TTLL5: variants seen among roughly 807,000 people sequenced by gnomAD.
The protein encoded by TTLL5 is tubulin polyglutamylase TTLL5.
In TTLL5, 132 loss-of-function variants were observed where a neutral mutation model predicts 168.4. The ratio of observed to expected loss-of-function variants is 0.78; its 90% CI spans 0.68 to 0.91. TTLL5 has a LOEUF of 0.91. Ranked by LOEUF, TTLL5 falls within the 40% of genes least tolerant of loss-of-function variation. The probability of loss-of-function intolerance (pLI) is 0.00; values close to 1 mark genes in which losing one functional copy is unlikely to be tolerated. For synonymous variants in TTLL5, 546 were observed against 558.6 expected (o/e 0.98, Z 0.32); for missense variants, 1,545 against 1,581.5 (o/e 0.98, Z 0.39).
chr14:75,689,169 G>T, intron 5 of TTLL5, among the ~76,000 whole-genome samples: 1 of 152,188 alleles, frequency 6.6e-6, no homozygotes, highest in Non-Finnish European at 1.5e-5. Context: ...AAGTTCATGT[G>T]GGGAGGAACT....
intron 17 of TTLL5, among the ~76,000 whole-genome samples, chr14:75,752,228 C>T (rs1302697493): frequency 6.6e-6 from 1 of 152,192 alleles, no homozygotes; most frequent in African/African-American, 2.4e-5. Flanking sequence ...GAATGCAGCC[C>T]AGTAGGCCTC....
chr14:75,922,216 C>G (rs1054689476), intron 31 of TTLL5, among the ~76,000 whole-genome samples: 3 of 151,926 alleles, frequency 2.0e-5, no homozygotes, highest in East Asian at 1.9e-4. Context: ...AATTGAATAC[C>G]CTTTATTTCT....
chr14:75,749,449 TTGTAAC>T (rs1045942600), intron 17 of TTLL5, among the ~76,000 whole-genome samples: 1 of 152,140 alleles, frequency 6.6e-6, no homozygotes, highest in Non-Finnish European at 1.5e-5. Flanking sequence ...GGGGAATTGA[TTGTAAC>T]TGTCTACAAG....
chr14:75,693,515 T>A (rs1287312212), intron 6 of TTLL5, among the ~76,000 whole-genome samples: 1 of 152,230 alleles, frequency 6.6e-6, no homozygotes, highest in Non-Finnish European at 1.5e-5. Context: ...TCTCAGTAAT[T>A]TGAGTGTAGT....
chr14:75,713,432 T>C (rs185126665), intron 9 of TTLL5, among the ~76,000 whole-genome samples: 1 of 152,360 alleles, frequency 6.6e-6, no homozygotes, highest in East Asian at 1.9e-4. Context: ...AAATACGCTC[T>C]ATGATGTTCA....
intron 31 of TTLL5, among the ~76,000 whole-genome samples, chr14:75,913,654 T>C (rs567357742): frequency 6.6e-6 from 1 of 152,156 alleles, no homozygotes; most frequent in South Asian, 2.1e-4. Context: ...TGAGTAAATT[T>C]TCATATTTCT....
Position 75,917,800 on chromosome 14 carries a change from G to A in TTLL5, c.3823+15576G>A, listed in dbSNP as rs1288863611. ...CAGCAGAGGGTGGAGCTGAAGTGAG[G>A]AGGTAGGAGGTGGGGGAAAAGCCGA... On this transcript the variant is annotated intron_variant, in intron 31 of 31. Coordinates refer to ENST00000298832, the MANE Select transcript of TTLL5 (RefSeq NM_015072.5). 2.0e-5 allele frequency among the ~76,000 whole-genome samples: 3 copies of A among 152,208 alleles called. No individual in the cohort carries two copies. In the East Asian group the frequency reaches 5.8e-4, roughly 29 times the overall value.
chr14:75,685,671 AT>A (rs1357726718), intron 5 of TTLL5, among the ~76,000 whole-genome samples: 4 of 152,202 alleles, frequency 2.6e-5, no homozygotes, highest in Non-Finnish European at 5.9e-5. Flanking sequence ...CAAAATATGC[AT>A]TCTCAGGTCC....
At chr14:75,889,688 G>C (rs987301624) in intron 30 of TTLL5, among the ~76,000 whole-genome samples, 1 of 152,052 alleles carries the variant, frequency 6.6e-6, no homozygotes, top group South Asian at 2.1e-4. Flanking sequence ...AATTAGCCAG[G>C]CGTGGTGGCA....
At chr14:75,890,168 G>A (rs2032330353) in intron 30 of TTLL5, among the ~76,000 whole-genome samples, 1 of 152,112 alleles carries the variant, frequency 6.6e-6, no homozygotes, top group African/African-American at 2.4e-5. Flanking sequence ...AGTAGCATCC[G>A]CCACACATAG....
At chr14:75,863,069 T>A (rs1260880979) in intron 28 of TTLL5, among the ~76,000 whole-genome samples, 3 of 152,110 alleles carry the variant, frequency 2.0e-5, no homozygotes, top group Non-Finnish European at 4.4e-5. Flanking sequence ...GTGTACAGAT[T>A]GTCAGCCTCA....
intron 18 of TTLL5, among the ~76,000 whole-genome samples, chr14:75,760,795 C>T (rs971437875): frequency 6.6e-6 from 1 of 152,090 alleles, no homozygotes; most frequent in African/African-American, 2.4e-5. Flanking sequence ...AAAATGATTA[C>T]TATAAAACTT....
At chr14:75,790,137 A>G (rs1892612295) in intron 26 of TTLL5, among the ~76,000 whole-genome samples, 2 of 152,194 alleles carry the variant, frequency 1.3e-5, no homozygotes, top group African/African-American at 2.4e-5. Flanking sequence ...GGTAATTGTT[A>G]TCCCCACAGA....
Position 75,912,970 on chromosome 14 carries a change from G to C in TTLL5, c.3823+10746G>C, listed in dbSNP as rs143717843. Among the ~76,000 whole-genome samples, 264 of 152,252 alleles carry C rather than the reference G, an allele frequency of 1.7e-3. 1 individual carries two copies. The highest frequency in any genetic ancestry group is 6.2e-3 in the African/African-American group (256 of 41,538). On this transcript the variant is annotated intron_variant, in intron 31 of 31. Transcript: ENST00000298832. ...CTTCGTAATCCAAGGGTAAGATAAT[G>C]GTTATTTAGAGGATTGGGTGAATTG...
intron 7 of TTLL5, among the ~76,000 whole-genome samples, chr14:75,700,620 A>G (rs748545890): frequency 6.6e-6 from 1 of 152,206 alleles, no homozygotes; most frequent in Non-Finnish European, 1.5e-5. Context: ...CCCAAGTCTA[A>G]GGTGAAACAG....
At chr14:75,721,962 A>G (rs1490815559) in intron 12 of TTLL5, among the ~76,000 whole-genome samples, 2 of 152,212 alleles carry the variant, frequency 1.3e-5, no homozygotes, top group African/African-American at 2.4e-5. Context: ...ATATCTGATC[A>G]TGTCTTCTGA....
chr14:75,673,064 G>C (rs1314656007), intron 3 of TTLL5, among the ~76,000 whole-genome samples: 1 of 151,600 alleles, frequency 6.6e-6, no homozygotes, highest in African/African-American at 2.4e-5. Flanking sequence ...CCAGCCTCCT[G>C]AGTAGCTTGG....
At chr14:75,874,382 G>A (rs1042386703) in intron 29 of TTLL5, among the ~76,000 whole-genome samples, 5 of 152,132 alleles carry the variant, frequency 3.3e-5, no homozygotes, top group African/African-American at 9.7e-5. Context: ...GTGAGCCACC[G>A]CACCTGGCCT....
chr14:75,792,419 A>C (rs1240311864), intron 26 of TTLL5, among the ~76,000 whole-genome samples: 1 of 151,974 alleles, frequency 6.6e-6, no homozygotes, highest in Admixed American at 6.5e-5. Flanking sequence ...TAAAAAAAAA[A>C]AGAAAATATA....
Sources: gnomAD v4.1 joint callset for allele counts (sites outside exome capture counted in the v4.1 genomes callset) on GRCh38, gnomAD v4.1.1 for gene constraint, MANE v1.5 for transcripts, NCBI Gene and HGNC (gene_info 2026-07-23, HGNC 2026-07-21) for gene names.